Variants in CHRM5 observed in about 807,000 individuals in gnomAD.
CHRM5 encodes muscarinic acetylcholine receptor M5.
Under a neutral mutation model 39.0 loss-of-function variants are expected in CHRM5, and 18 were observed. The observed-to-expected ratio is 0.46, with a 90% CI of 0.32 to 0.68. The LOEUF (loss-of-function observed/expected upper bound fraction) is 0.68, where lower values mean the gene tolerates loss of function less well. Ranked by LOEUF, CHRM5 falls within the 30% of genes least tolerant of loss-of-function variation. CHRM5 has a pLI of 0.04. For missense variants in CHRM5, 515 were observed against 651.1 expected (o/e 0.79, Z 2.28); for synonymous variants, 241 against 246.3 (o/e 0.98, Z 0.20).
intron 2 of CHRM5, among the ~76,000 whole-genome samples, chr15:34,053,721 A>G (rs1410554571): frequency 6.6e-6 from 1 of 152,188 alleles, no homozygotes; most frequent in Non-Finnish European, 1.5e-5. Flanking sequence ...AAAACTATAA[A>G]AACTCTAGAA....
chr15:34,025,768 GTGTT>G (rs1898436261), intron 1 of CHRM5, among the ~76,000 whole-genome samples: 1 of 152,074 alleles, frequency 6.6e-6, no homozygotes. Context: ...GTGTGTGTGT[GTGTT>G]TGTGTGTGTG....
At chr15:33,999,826 A>G (rs2140611323) in intron 1 of CHRM5, among the ~76,000 whole-genome samples, 1 of 152,242 alleles carries the variant, frequency 6.6e-6, no homozygotes, top group East Asian at 1.9e-4. Flanking sequence ...TCCTTCCAAC[A>G]CAGCAGAGTG....
At chr15:33,970,044 A>G (rs535246493) in intron 1 of CHRM5, among the ~76,000 whole-genome samples, 5 of 152,016 alleles carry the variant, frequency 3.3e-5, no homozygotes, top group Non-Finnish European at 7.4e-5. Context: ...AAAGCACCTT[A>G]TCATAAAGAA....
At chr15:34,026,209 T>C (rs1430907200) in intron 1 of CHRM5, among the ~76,000 whole-genome samples, 7 of 152,206 alleles carry the variant, frequency 4.6e-5, no homozygotes, top group African/African-American at 1.4e-4. Flanking sequence ...AAAAGTCTTA[T>C]GACATCTTCC....
chr15:34,063,476 C>T lies in CHRM5; in HGVS notation c.759C>T (p.Cys253=). 1 of 1,613,874 alleles carries T rather than the reference C, an allele frequency of 6.2e-7. No homozygotes were observed. Among genetic ancestry groups the T allele is most frequent in the Non-Finnish European group, 8.5e-7 (1 of 1,180,032 alleles). ...CTCATAGGGCTCTGTTCAGATCCTG[C>T]TTGCGCTGTCCTCGACCCACCCTGG... ...KPAHRALFRS[C]LRCPRPTLAQ... is the part of the protein sequence containing the mutation. Residue 253 remains cysteine, a synonymous_variant, in exon 3 of 3, where the codon TGC becomes TGT. Coordinates refer to ENST00000383263, the MANE Select transcript of CHRM5 (RefSeq NM_012125.4). This position sits in a 1 kb window ranked among gnomAD's most constrained non-coding sequence, Gnocchi z 4.1.
At chr15:34,021,987 T>C (rs750885327) in intron 1 of CHRM5, among the ~76,000 whole-genome samples, 5 of 152,236 alleles carry the variant, frequency 3.3e-5, no homozygotes, top group African/African-American at 4.8e-5. Context: ...TGACAACTAC[T>C]GCAAAATTTG....
At chr15:34,007,939 T>G (rs1462997155) in intron 1 of CHRM5, among the ~76,000 whole-genome samples, 2 of 152,306 alleles carry the variant, frequency 1.3e-5, no homozygotes, top group African/African-American at 4.8e-5. Flanking sequence ...TCCATTCTTA[T>G]GAGGACATGA....
intron 1 of CHRM5, chr15:33,991,377 G>C (rs376317620): frequency 2.0e-5 from 3 of 152,098 alleles, no homozygotes; most frequent in South Asian, 2.1e-4. Flanking sequence ...TGCTGCAAAA[G>C]ATAAATGCTT....
chr15:34,044,677 A>G (rs559864501), intron 1 of CHRM5, among the ~76,000 whole-genome samples: 1 of 152,304 alleles, frequency 6.6e-6, no homozygotes, highest in Admixed American at 6.5e-5. Context: ...CTGTGGCAGG[A>G]GTCGACAGTG....
At chr15:33,984,788 G>T (rs8038713) in intron 1 of CHRM5, among the ~76,000 whole-genome samples, 65,906 of 151,914 alleles carry the variant, frequency 0.43, 15,021 homozygotes, top group African/African-American at 0.56. Flanking sequence ...TGAGACAAAC[G>T]TTAGTAGCAA....
At chr15:34,022,925 C>T (rs1362667270) in intron 1 of CHRM5, among the ~76,000 whole-genome samples, 2 of 152,224 alleles carry the variant, frequency 1.3e-5, no homozygotes, top group Admixed American at 6.5e-5. Context: ...CGGTGGCTCA[C>T]GCCTGTAATC....
At chr15:34,011,925 T>C (rs932838038) in intron 1 of CHRM5, among the ~76,000 whole-genome samples, 2 of 152,208 alleles carry the variant, frequency 1.3e-5, no homozygotes, top group South Asian at 4.1e-4. Flanking sequence ...GTAACTTTTA[T>C]TGGACTAATT....
chr15:33,997,542 C>G (rs1896985380), intron 1 of CHRM5, among the ~76,000 whole-genome samples: 1 of 152,124 alleles, frequency 6.6e-6, no homozygotes, highest in African/African-American at 2.4e-5. Context: ...CCCTGCCCCA[C>G]CAAATCTCAA....
At chr15:34,054,565 C>T (rs1900056580) in intron 2 of CHRM5, among the ~76,000 whole-genome samples, 1 of 152,148 alleles carries the variant, frequency 6.6e-6, no homozygotes, top group Non-Finnish European at 1.5e-5. Context: ...CCTGAGCAGA[C>T]TAACACAGGA....
At chr15:33,973,548 T>C (rs567808548) in intron 1 of CHRM5, among the ~76,000 whole-genome samples, 1 of 152,138 alleles carries the variant, frequency 6.6e-6, no homozygotes, top group Non-Finnish European at 1.5e-5. Flanking sequence ...CCTTGTTAGA[T>C]TCCATTGAAA....
At chr15:33,999,757 C>CACTA (rs1437439032) in intron 1 of CHRM5, among the ~76,000 whole-genome samples, 1 of 152,178 alleles carries the variant, frequency 6.6e-6, no homozygotes, top group Non-Finnish European at 1.5e-5. Context: ...CTACCTGCTA[C>CACTA]TAGTAGTAGC....
intron 1 of CHRM5, among the ~76,000 whole-genome samples, chr15:33,984,086 A>C (rs1379502624): frequency 6.6e-6 from 1 of 152,164 alleles, no homozygotes; most frequent in African/African-American, 2.4e-5. Context: ...ATCCTGAGTT[A>C]GAAGAGAAAA....
chr15:34,045,202 G>A (rs1025705498), intron 1 of CHRM5, among the ~76,000 whole-genome samples: 4 of 152,022 alleles, frequency 2.6e-5, no homozygotes, highest in East Asian at 1.9e-4. Flanking sequence ...AAGGACTATC[G>A]TATATCTCTT....
At chr15:33,969,673 G>A (rs916631889) in intron 1 of CHRM5, among the ~76,000 whole-genome samples, 23 of 152,060 alleles carry the variant, frequency 1.5e-4, no homozygotes, top group South Asian at 2.1e-4. Context: ...CTACTAAATC[G>A]AGGTATAACA....
Sources: gnomAD v4.1 joint callset for allele counts (sites outside exome capture counted in the v4.1 genomes callset) on GRCh38, gnomAD v4.1.1 for gene constraint, Gnocchi (gnomAD v3.1) non-coding constraint, MANE v1.5 for transcripts, NCBI Gene and HGNC (gene_info 2026-07-23, HGNC 2026-07-21) for gene names.